ESYT2: variants seen among roughly 807,000 people sequenced by gnomAD.
ESYT2 encodes extended synaptotagmin 2, also known as extended synaptotagmin-2.
ESYT2 carries 54 observed loss-of-function variants against 107.2 expected under a neutral mutation model. The ratio of observed to expected loss-of-function variants is 0.50; its 90% CI spans 0.40 to 0.63. The LOEUF (loss-of-function observed/expected upper bound fraction) is 0.63. Among genes scored for constraint, ESYT2 ranks in the 30% least tolerant of loss-of-function variants. ESYT2 has a pLI of 0.00. For missense variants in ESYT2, 1,020 were observed against 1,094.5 expected (o/e 0.93, Z 0.96); for synonymous variants, 491 against 434.1 (o/e 1.13, Z -1.63).
intron 1 of ESYT2, among the ~76,000 whole-genome samples, chr7:158,807,688 G>A (rs1281611751): frequency 1.3e-5 from 2 of 152,180 alleles, no homozygotes; most frequent in East Asian, 1.9e-4. Context: ...GGAAATATCT[G>A]GGGCACTTAC....
rs1439491612 is a variant in ESYT2, at chr7:158,733,488, T to C, written c.*719A>G. 6.6e-6 allele frequency: 1 copy of C among 152,216 alleles called. No homozygotes were observed. Among genetic ancestry groups the C allele is most frequent in the Non-Finnish European group, 1.5e-5 (1 of 68,034 alleles). 9.4% of individuals were successfully genotyped at this position (152,216 alleles called of 1,614,324 possible). ...TCATTTTTATGTAAGAAATTTCAGA[T>C]TAGCATAATGTGATTTATGAACCAT... On this transcript the variant is annotated 3_prime_UTR_variant, in exon 23 of 23. Transcript: ENST00000275418.
chr7:158,768,663 C>T (rs992234989), intron 7 of ESYT2, among the ~76,000 whole-genome samples: 3 of 152,240 alleles, frequency 2.0e-5, no homozygotes, highest in Non-Finnish European at 4.4e-5. Flanking sequence ...GGTGACCCAC[C>T]CACCTTGGCC....
At chr7:158,821,834 G>A (rs1584890203) in intron 1 of ESYT2, among the ~76,000 whole-genome samples, 1 of 152,204 alleles carries the variant, frequency 6.6e-6, no homozygotes. Context: ...CCACACGGCC[G>A]CTCGCGCTGT....
intron 1 of ESYT2, among the ~76,000 whole-genome samples, chr7:158,821,108 TAAG>T (rs1840274491): frequency 6.6e-6 from 1 of 152,108 alleles, no homozygotes; most frequent in Non-Finnish European, 1.5e-5. Context: ...TAAAAACAGT[TAAG>T]AAAAATAAAT....
chr7:158,775,335 C>G (rs1445357697), intron 6 of ESYT2, among the ~76,000 whole-genome samples: 1 of 151,822 alleles, frequency 6.6e-6, no homozygotes, highest in Non-Finnish European at 1.5e-5. Context: ...GTGAAGTTTG[C>G]TGCATTGACT....
chr7:158,771,497 C>T (rs1325779272), intron 7 of ESYT2, among the ~76,000 whole-genome samples: 1 of 152,200 alleles, frequency 6.6e-6, no homozygotes, highest in African/African-American at 2.4e-5. Flanking sequence ...CCAAGGGTGG[C>T]CCTTGCACAC....
At chr7:158,781,828 C>T (rs1838837393) in intron 6 of ESYT2, among the ~76,000 whole-genome samples, 1 of 148,936 alleles carries the variant, frequency 6.7e-6, no homozygotes, top group Admixed American at 6.7e-5. Flanking sequence ...AGTGTAATAA[C>T]GAGAACAAGT....
At chr7:158,815,378 C>T (rs1176205444) in intron 1 of ESYT2, among the ~76,000 whole-genome samples, 1 of 152,144 alleles carries the variant, frequency 6.6e-6, no homozygotes, top group African/African-American at 2.4e-5. Flanking sequence ...TTCCAGCCAT[C>T]ATTTCTACAC....
intron 16 of ESYT2, among the ~76,000 whole-genome samples, chr7:158,746,950 G>T (rs539382492): frequency 6.6e-6 from 1 of 152,340 alleles, no homozygotes; most frequent in East Asian, 1.9e-4. Context: ...TACTCCGGAG[G>T]CTGAGGCAAG....
At chr7:158,757,360 T>C (rs1027209635) in intron 13 of ESYT2, among the ~76,000 whole-genome samples, 8 of 152,270 alleles carry the variant, frequency 5.3e-5, no homozygotes, top group African/African-American at 1.9e-4. Flanking sequence ...TGAGGCGGTA[T>C]TTTCACAAAA....
intron 1 of ESYT2, among the ~76,000 whole-genome samples, chr7:158,816,883 G>A (rs950671597): frequency 2.6e-4 from 40 of 152,102 alleles, no homozygotes; most frequent in African/African-American, 7.7e-4. Context: ...TTGGAGTTTC[G>A]GTTTCAAAAG....
intron 18 of ESYT2, among the ~76,000 whole-genome samples, chr7:158,740,154 A>C (rs544733045): frequency 6.6e-6 from 1 of 152,332 alleles, no homozygotes; most frequent in Admixed American, 6.5e-5. Flanking sequence ...TCCTGATGGC[A>C]GACCCTGACC....
chr7:158,827,006 T>C (rs914347376), intron 1 of ESYT2, among the ~76,000 whole-genome samples: 1 of 148,820 alleles, frequency 6.7e-6, no homozygotes, highest in Non-Finnish European at 1.5e-5. Context: ...CTACTAAAAA[T>C]ACAAAGATTA....
chr7:158,765,376 T>C (rs1838122784), intron 8 of ESYT2, among the ~76,000 whole-genome samples: 1 of 152,184 alleles, frequency 6.6e-6, no homozygotes, highest in African/African-American at 2.4e-5. Context: ...TGCAATCCTG[T>C]CATTAAACTT....
At chr7:158,749,603 G>A (rs752527836) in intron 15 of ESYT2, 46 bp downstream of exon 15, 28 of 1,588,570 alleles carry the variant, frequency 1.8e-5, no homozygotes, top group Non-Finnish European at 2.2e-5. Context: ...CACGGACAGC[G>A]CCCGCACGAC....
At chr7:158,751,191 T>C (rs2129471716) in intron 14 of ESYT2, among the ~76,000 whole-genome samples, 2 of 152,306 alleles carry the variant, frequency 1.3e-5, no homozygotes, top group Middle Eastern at 6.8e-3. Context: ...CCCTAACCAA[T>C]TTATTTCGCT....
At chr7:158,773,225 G>T in intron 7 of ESYT2, 116 bp downstream of exon 7, 3 of 1,086,280 alleles carry the variant, frequency 2.8e-6, no homozygotes, top group Non-Finnish European at 4.3e-6. Context: ...TGTGGAGAAG[G>T]CACCCATTCA....
chr7:158,788,454 A>T (rs754502276), intron 4 of ESYT2, 37 bp from the exon 5 acceptor site: 1 of 1,514,558 alleles, frequency 6.6e-7, no homozygotes, highest in Admixed American at 1.8e-5. Context: ...TGTAAGTGAA[A>T]TGAACTATTC....
At chr7:158,821,273 C>G (rs141877151) in intron 1 of ESYT2, among the ~76,000 whole-genome samples, 6 of 152,104 alleles carry the variant, frequency 3.9e-5, no homozygotes, top group African/African-American at 1.4e-4. Flanking sequence ...TCCAAAAGAA[C>G]AGGAGGTGAC....
Sources: allele counts gnomAD v4.1 joint callset (sites outside exome capture counted in the v4.1 genomes callset), GRCh38; gene constraint gnomAD v4.1.1; transcripts MANE v1.5; gene names NCBI Gene and HGNC (gene_info 2026-07-23, HGNC 2026-07-21).